Variants in ADAMTS12 observed in about 807,000 individuals in gnomAD.
ADAMTS12 encodes A disintegrin and metalloproteinase with thrombospondin motifs 12.
A neutral mutation model predicts 167.8 loss-of-function variants in ADAMTS12; 118 were observed. The observed-to-expected ratio is 0.70, with a 90% CI of 0.61 to 0.82. ADAMTS12 has a LOEUF of 0.82. Ranked by LOEUF, ADAMTS12 falls within the 40% of genes least tolerant of loss-of-function variation. ADAMTS12 has a pLI of 0.00. For missense variants in ADAMTS12, 1,916 were observed against 1,998.8 expected (o/e 0.96, Z 0.79); for synonymous variants, 704 against 716.9 (o/e 0.98, Z 0.29).
chr5:33,527,110 C>A lies in ADAMTS12; in HGVS notation c.*78G>T, dbSNP rs182749859. ...TGAAATATATGAAGCAAAACCTCAA[C>A]GAAGCAGCTCCCAGGGCTAAAGCAT... On this transcript the variant is annotated 3_prime_UTR_variant, in exon 24 of 24. Transcript: ENST00000504830. 1.9e-6 allele frequency: 3 copies of A among 1,539,270 alleles called. No homozygotes were observed. The South Asian group carries it at 3.6e-5, about 18-fold the overall frequency.
chr5:33,625,270 AG>A (rs1475517991), intron 13 of ADAMTS12, among the ~76,000 whole-genome samples: 1 of 152,072 alleles, frequency 6.6e-6, no homozygotes, highest in African/African-American at 2.4e-5. Flanking sequence ...TGCTTCACCT[AG>A]TAGGGGGAAA....
At chr5:33,854,870 A>G (rs1027223599) in intron 2 of ADAMTS12, among the ~76,000 whole-genome samples, 1 of 152,226 alleles carries the variant, frequency 6.6e-6, no homozygotes, top group Admixed American at 6.5e-5. Flanking sequence ...GAGGTCAGAG[A>G]GAATTCCTCA....
Position 33,595,831 on chromosome 5 carries a change from AC to A in ADAMTS12, c.2654+102del, listed in dbSNP as rs1454709646. On this transcript the variant is annotated intron_variant, in intron 17 of 23. Coordinates refer to ENST00000504830, the MANE Select transcript of ADAMTS12 (RefSeq NM_030955.4). ...CCGCGTTCTTGTATTTATCCAAATA[AC>A]AAAACCACACAATATTTCTTTATCA... The A allele has an allele frequency of 3.3e-6, 5 of 1,509,944 alleles. No homozygotes were observed. The East Asian group carries it at 9.1e-5, about 28-fold the overall frequency. 93.5% of individuals were successfully genotyped at this position (1,509,944 alleles called of 1,614,324 possible).
intron 2 of ADAMTS12, among the ~76,000 whole-genome samples, chr5:33,758,621 C>G (rs1745246927): frequency 6.6e-6 from 1 of 152,052 alleles, no homozygotes; most frequent in African/African-American, 2.4e-5. Context: ...AAATTCTGAG[C>G]AGAAGGAGGA....
Position 33,620,507 on chromosome 5 carries a change from G to C in ADAMTS12, c.2143+3724C>G, listed in dbSNP as rs184392497. ...CTTGAGCTCACCACAATAGCAAGAG[G>C]AGGTGGCTATGAAATTATTCTGGTA... is the stretch of plus-strand genomic sequence containing the variant. On this transcript the variant is annotated intron_variant, in intron 14 of 23. Coordinates refer to ENST00000504830, the MANE Select transcript of ADAMTS12 (RefSeq NM_030955.4). Among the ~76,000 whole-genome samples, 694 of 152,326 alleles carry C rather than the reference G, an allele frequency of 4.6e-3. 5 individuals are homozygous for C. Among genetic ancestry groups the C allele is most frequent in the Non-Finnish European group, 7.0e-3 (476 of 68,040 alleles).
At chr5:33,831,887 G>C (rs546807972) in intron 2 of ADAMTS12, among the ~76,000 whole-genome samples, 1 of 152,214 alleles carries the variant, frequency 6.6e-6, no homozygotes, top group African/African-American at 2.4e-5. Context: ...GCAGAAGCTA[G>C]AAGTGGGGAG....
chr5:33,533,960 T>A (rs950969898), intron 23 of ADAMTS12, among the ~76,000 whole-genome samples: 1 of 152,222 alleles, frequency 6.6e-6, no homozygotes, highest in African/African-American at 2.4e-5. Flanking sequence ...CAAAGGGCTA[T>A]CAAATTTTTC....
chr5:33,630,819 G>T lies in ADAMTS12; in HGVS notation c.1983C>A (p.Gly661=). Residue 661 remains glycine (G), a synonymous_variant, in exon 13 of 24, where the codon GGC becomes GGA. Coordinates refer to ENST00000504830, the MANE Select transcript of ADAMTS12 (RefSeq NM_030955.4). The stretch of plus-strand genomic sequence containing the variant: ...TAATACAGACATTTCTGCTGTTGCC[G>T]CCTTCAAAGCAAGGGGTACCATCAA... The part of the protein sequence containing the change: ...AVIDGTPCFE[G]GNSRNVCING... 6.2e-7 allele frequency: 1 copy of T among 1,613,470 alleles called. No individual in the cohort carries two copies. Among genetic ancestry groups the T allele is most frequent in the Non-Finnish European group, 8.5e-7 (1 of 1,179,594 alleles).
intron 19 of ADAMTS12, among the ~76,000 whole-genome samples, chr5:33,571,920 C>T (rs907186399): frequency 1.3e-5 from 2 of 152,148 alleles, no homozygotes; most frequent in African/African-American, 4.8e-5. Flanking sequence ...GGGGATATCA[C>T]CACTGATCCC....
intron 3 of ADAMTS12, among the ~76,000 whole-genome samples, chr5:33,688,844 T>C (rs1742448919): frequency 6.6e-6 from 1 of 152,212 alleles, no homozygotes. Flanking sequence ...TACACCCTTA[T>C]ATCAGATTTC....
In ADAMTS12 at chr5:33,638,267, C is replaced by A. The variant is rs1046647012; in HGVS notation, c.1719-521G>T. 9.2e-5 allele frequency among the ~76,000 whole-genome samples: 14 copies of A among 152,272 alleles called. No homozygotes were observed. The South Asian group carries it at 1.7e-3, about 18-fold the overall frequency. On this transcript the variant is annotated intron_variant, in intron 11 of 23. Coordinates refer to ENST00000504830, the MANE Select transcript of ADAMTS12 (RefSeq NM_030955.4). Reference sequence around the variant, plus strand: ...TTCTATCTCTACTTTTAAAATTGAACCCACAGTACAAACAATTATCAGGCT... The same window carrying A: ...TTCTATCTCTACTTTTAAAATTGAAACCACAGTACAAACAATTATCAGGCT...
rs189037802 is a variant in ADAMTS12, at chr5:33,564,331, A to G, written c.3973-3152T>C. ...AAACTGGGACAGGCAGGAGGTTTAA[A>G]GCAACTGAGCTGTTGAAGCTTAGCA... is the stretch of plus-strand genomic sequence containing the variant. On this transcript the variant is annotated intron_variant, in intron 19 of 23. Coordinates refer to ENST00000504830, the MANE Select transcript of ADAMTS12 (RefSeq NM_030955.4). Among the ~76,000 whole-genome samples, 27 of 152,370 alleles carry G rather than the reference A, an allele frequency of 1.8e-4. No homozygotes were observed. The East Asian group carries it at 4.8e-3, about 27-fold the overall frequency.
chr5:33,646,718 A>G (rs6451006), intron 9 of ADAMTS12, among the ~76,000 whole-genome samples: 126,427 of 152,016 alleles, frequency 0.83, 54,008 homozygotes, highest in Non-Finnish European at 0.93. Flanking sequence ...ATCACAAAAC[A>G]AAATAACACG....
chr5:33,533,894 C>G (rs1357102585), intron 23 of ADAMTS12, among the ~76,000 whole-genome samples: 1 of 152,222 alleles, frequency 6.6e-6, no homozygotes, highest in Admixed American at 6.5e-5. Context: ...GCTTCATCTA[C>G]TCAGCTGCCC....
chr5:33,534,358 A>G (rs999647065), intron 23 of ADAMTS12, among the ~76,000 whole-genome samples: 4 of 152,122 alleles, frequency 2.6e-5, no homozygotes, highest in Non-Finnish European at 5.9e-5. Context: ...ATGATCTTCC[A>G]TGGAAATACT....
rs543486838 is a variant in ADAMTS12 at position 33,866,028 on chromosome 5, T to C, written c.489+15091A>G. ...AGAATCAATATCATGAAAGTGACCA[T>C]ACTGCAAAAGTAATCTATAGATTCA... On this transcript the variant is annotated intron_variant, in intron 2 of 23. Transcript: ENST00000504830. Among the ~76,000 whole-genome samples, 40 of 152,298 alleles carry C rather than the reference T, an allele frequency of 2.6e-4. 1 individual carries two copies. The highest frequency in any genetic ancestry group is 6.8e-3 in the Middle Eastern group (2 of 294).
At chr5:33,699,552 T>G (rs2112294482) in intron 3 of ADAMTS12, among the ~76,000 whole-genome samples, 1 of 152,228 alleles carries the variant, frequency 6.6e-6, no homozygotes, top group South Asian at 2.1e-4. Flanking sequence ...AAATAATAAA[T>G]TTGACATCAT....
chr5:33,885,063 A>G (rs995812822), intron 1 of ADAMTS12, among the ~76,000 whole-genome samples: 2 of 152,240 alleles, frequency 1.3e-5, no homozygotes, highest in African/African-American at 4.8e-5. Flanking sequence ...TTATACTTAG[A>G]AAACAACTAT....
At chr5:33,869,214 G>A (rs1749945583) in intron 2 of ADAMTS12, among the ~76,000 whole-genome samples, 1 of 152,148 alleles carries the variant, frequency 6.6e-6, no homozygotes, top group Non-Finnish European at 1.5e-5. Flanking sequence ...CTCCAGCCAT[G>A]GCTAAAAGGG....
Sources: gnomAD v4.1 joint callset for allele counts (sites outside exome capture counted in the v4.1 genomes callset) on GRCh38, gnomAD v4.1.1 for gene constraint, MANE v1.5 for transcripts, NCBI Gene and HGNC (gene_info 2026-07-23, HGNC 2026-07-21) for gene names.